The following NRXN3 variants were observed in gnomAD, a reference collection of about 807,000 sequenced individuals.
The protein encoded by NRXN3 is neurexin III.
NRXN3 carries 32 observed loss-of-function variants against 137.6 expected under a neutral mutation model. The observed-to-expected ratio is 0.23, with a 90% CI of 0.18 to 0.31. NRXN3 has a LOEUF of 0.31. NRXN3 is among the 10% of genes least tolerant of loss of function. The pLI is 1.00. For synonymous variants in NRXN3, 798 were observed against 784.5 expected, an observed-to-expected ratio of 1.02 and a Z score of -0.29; for missense variants, 1,574 against 2,062.5, an observed-to-expected ratio of 0.76 and a Z score of 4.59.
chr14:79,234,597 A>T (rs1412478172), intron 15 of NRXN3, among the ~76,000 whole-genome samples: 2 of 151,318 alleles, frequency 1.3e-5, no homozygotes, highest in African/African-American at 4.8e-5. Context: ...GTTGGCCAGG[A>T]TGGTCTCAAA....
intron 5 of NRXN3, among the ~76,000 whole-genome samples, chr14:78,646,701 C>G (rs2152588064): frequency 6.6e-6 from 1 of 152,338 alleles, no homozygotes; most frequent in Non-Finnish European, 1.5e-5. Context: ...TGCCAAATGA[C>G]ACAAGACTTA....
At chr14:78,367,260 G>A (rs2086104425) in intron 4 of NRXN3, among the ~76,000 whole-genome samples, 1 of 151,940 alleles carries the variant, frequency 6.6e-6, no homozygotes, top group Non-Finnish European at 1.5e-5. Flanking sequence ...TTCTTGCTTA[G>A]TCTGTGGTTG....
intron 6 of NRXN3, chr14:78,703,643 T>C (rs1353065791): frequency 6.6e-6 from 1 of 152,232 alleles, no homozygotes; most frequent in African/African-American, 2.4e-5. Context: ...TTGAGATTTG[T>C]AGTCAACTCT....
At chr14:78,992,634 A>G (rs2099521161) in intron 15 of NRXN3, among the ~76,000 whole-genome samples, 1 of 152,178 alleles carries the variant, frequency 6.6e-6, no homozygotes, top group Admixed American at 6.5e-5. Context: ...GTTGTGTAGA[A>G]TAGAACCCTC....
chr14:78,793,780 A>G (rs542831040), intron 8 of NRXN3, among the ~76,000 whole-genome samples: 1 of 152,222 alleles, frequency 6.6e-6, no homozygotes, highest in South Asian at 2.1e-4. Context: ...TATTCTTAGC[A>G]TGAACTATCT....
chr14:78,654,533 C>T (rs184990406), intron 6 of NRXN3, among the ~76,000 whole-genome samples: 4 of 152,302 alleles, frequency 2.6e-5, no homozygotes, highest in Admixed American at 1.3e-4. Flanking sequence ...GTTCTGGCTC[C>T]GTGATTGTGC....
At chr14:79,152,906 A>C (rs905379224) in intron 15 of NRXN3, among the ~76,000 whole-genome samples, 1 of 151,990 alleles carries the variant, frequency 6.6e-6, no homozygotes, top group Non-Finnish European at 1.5e-5. Flanking sequence ...AGTTGAGGAC[A>C]GTTAGGAGAC....
intron 19 of NRXN3, among the ~76,000 whole-genome samples, chr14:79,731,881 C>T (rs752379903): frequency 4.6e-5 from 7 of 151,076 alleles, no homozygotes; most frequent in Non-Finnish European, 1.0e-4. Flanking sequence ...CCTTGACCAT[C>T]CGATTTCACT....
chr14:78,521,103 G>A (rs2096277543), intron 4 of NRXN3, among the ~76,000 whole-genome samples: 1 of 152,154 alleles, frequency 6.6e-6, no homozygotes, highest in African/African-American at 2.4e-5. Flanking sequence ...TGAAGTTCAA[G>A]TGGAATAATT....
chr14:78,481,541 C>G (rs765764649), intron 4 of NRXN3, among the ~76,000 whole-genome samples: 3 of 152,082 alleles, frequency 2.0e-5, no homozygotes, highest in Non-Finnish European at 4.4e-5. Context: ...TCACAGAGAC[C>G]CACTATCCTG....
At chr14:79,208,868 G>A (rs1457177082) in intron 15 of NRXN3, among the ~76,000 whole-genome samples, 1 of 151,972 alleles carries the variant, frequency 6.6e-6, no homozygotes, top group Non-Finnish European at 1.5e-5. Flanking sequence ...CATTTTACCA[G>A]TTTTCCTGCC....
At chr14:78,189,536 C>T (rs895629891) in intron 1 of NRXN3, among the ~76,000 whole-genome samples, 2 of 152,160 alleles carry the variant, frequency 1.3e-5, no homozygotes, top group African/African-American at 4.8e-5. Flanking sequence ...CTTAAACTCT[C>T]TGATCCCAGT....
At position 79,861,015 on chromosome 14, in the gene NRXN3, TTTTC is replaced by T. The variant is rs559796546; in HGVS notation, c.4094-323_4094-320del. ...AGTTGTTTACAAATATACTAATTGT[TTTTC>T]TTTTTCTTTTCCATCCCAGGAGGTG... On this transcript the variant is annotated intron_variant, in intron 20 of 20. Coordinates refer to ENST00000335750, the MANE Select transcript of NRXN3 (RefSeq NM_001330195.2). This position sits in a 1 kb window ranked among gnomAD's most constrained non-coding sequence, Gnocchi z 5.4. The T allele has an allele frequency of 1.9e-4, 253 of 1,356,908 alleles. 2 individuals carry two copies. In the East Asian group the frequency reaches 6.2e-3, roughly 33 times the overall value. 84.1% of individuals were successfully genotyped at this position (1,356,908 alleles called of 1,614,324 possible). A position where few individuals can be genotyped will look rare whatever the true frequency, so the allele number is the denominator to read the frequency against.
At chr14:79,575,283 C>A (rs221417) in intron 16 of NRXN3, among the ~76,000 whole-genome samples, 15,474 of 152,038 alleles carry the variant, frequency 0.1, 1,198 homozygotes, top group African/African-American at 0.21. Flanking sequence ...GCTTCTAAGC[C>A]CTCCTGGGGC....
At chr14:78,664,788 G>A (rs1415180636) in intron 6 of NRXN3, among the ~76,000 whole-genome samples, 1 of 152,164 alleles carries the variant, frequency 6.6e-6, no homozygotes, top group Non-Finnish European at 1.5e-5. Flanking sequence ...GCTTCTAAGA[G>A]ACAAGAACAA....
intron 4 of NRXN3, among the ~76,000 whole-genome samples, chr14:78,310,995 A>G (rs2077913337): frequency 6.6e-6 from 1 of 152,284 alleles, no homozygotes; most frequent in Admixed American, 6.5e-5. Context: ...TGTCAATATC[A>G]GCATCACTCA....
chr14:79,232,152 G>A lies in NRXN3; in HGVS notation c.3263-235069G>A, dbSNP rs2072329238. Among the ~76,000 whole-genome samples, 4 of 152,102 alleles carry A rather than the reference G, an allele frequency of 2.6e-5. No homozygotes were observed. The South Asian group carries it at 8.3e-4, about 31-fold the overall frequency. Reference sequence around the variant, plus strand: ...CAGGAGAATATTAGAATCTGGATTTGATCCTGCTTTTGTCTGGCTGTGGCT... The same window carrying A: ...CAGGAGAATATTAGAATCTGGATTTAATCCTGCTTTTGTCTGGCTGTGGCT... On this transcript the variant is annotated intron_variant, in intron 15 of 20. Coordinates refer to ENST00000335750, the MANE Select transcript of NRXN3 (RefSeq NM_001330195.2).
chr14:79,607,961 C>G (rs1335493643), intron 16 of NRXN3, among the ~76,000 whole-genome samples: 1 of 152,144 alleles, frequency 6.6e-6, no homozygotes, highest in Admixed American at 6.5e-5. Flanking sequence ...TGTGAGCCAC[C>G]ACCGTGCCTG....
chr14:79,567,504 G>A (rs550394113), intron 16 of NRXN3, among the ~76,000 whole-genome samples: 1 of 151,846 alleles, frequency 6.6e-6, no homozygotes, highest in Non-Finnish European at 1.5e-5. Flanking sequence ...ATCCAGTTTA[G>A]GTAATTGCTA....
Sources: allele counts gnomAD v4.1 joint callset (sites outside exome capture counted in the v4.1 genomes callset), GRCh38; gene constraint gnomAD v4.1.1; non-coding constraint Gnocchi (gnomAD v3.1); transcripts MANE v1.5; gene names NCBI Gene and HGNC (gene_info 2026-07-23, HGNC 2026-07-21).